Variants in STK33 observed in about 807,000 individuals in gnomAD.
STK33 encodes the protein serine/threonine-protein kinase 33.
Under a neutral mutation model 58.0 loss-of-function variants are expected in STK33, and 52 were observed. The ratio of observed to expected loss-of-function variants is 0.90; its 90% CI spans 0.72 to 1.13. The LOEUF is 1.13. STK33 is among the 50% of genes most tolerant of loss of function. The probability of loss-of-function intolerance (pLI) is 0.00; values close to 1 mark genes in which losing one functional copy is unlikely to be tolerated. For missense variants in STK33, 630 were observed against 604.2 expected (o/e 1.04, Z -0.45); for synonymous variants, 215 against 200.1 (o/e 1.07, Z -0.63).
intron 10 of STK33, among the ~76,000 whole-genome samples, chr11:8,453,742 T>C (rs1946546179): frequency 6.6e-6 from 1 of 152,228 alleles, no homozygotes; most frequent in Non-Finnish European, 1.5e-5. Context: ...AGACAATGAA[T>C]GCAAAGTTTC....
chr11:8,338,237 T>G, the STK33 span, among the ~76,000 whole-genome samples: 1 of 152,082 alleles, frequency 6.6e-6, no homozygotes, highest in Non-Finnish European at 1.5e-5. Flanking sequence ...GGCACCAGCC[T>G]CCAGAGGGCG....
intron 1 of STK33, among the ~76,000 whole-genome samples, chr11:8,579,911 A>G (rs1485298975): frequency 6.6e-6 from 1 of 152,206 alleles, no homozygotes; most frequent in Non-Finnish European, 1.5e-5. Flanking sequence ...TCAAACTACA[A>G]TGAGACATCA....
chr11:8,375,468 T>C, the STK33 span, among the ~76,000 whole-genome samples: 6 of 152,200 alleles, frequency 3.9e-5, no homozygotes, highest in African/African-American at 1.2e-4. Context: ...ACTGGCCATA[T>C]ATGGTCAAGG....
chr11:8,554,235 C>T (rs1320422063), intron 1 of STK33, among the ~76,000 whole-genome samples: 2 of 151,706 alleles, frequency 1.3e-5, no homozygotes, highest in Non-Finnish European at 1.5e-5. Context: ...CTGGCTAACA[C>T]AGTGAAACCC....
the STK33 span, among the ~76,000 whole-genome samples, chr11:8,342,816 G>A: frequency 5.3e-5 from 8 of 152,278 alleles, no homozygotes; most frequent in South Asian, 2.1e-4. Context: ...ATATCATTAC[G>A]GTTATTATTA....
At chr11:8,535,911 T>G (rs866410262) in intron 1 of STK33, among the ~76,000 whole-genome samples, 16 of 152,190 alleles carry the variant, frequency 1.1e-4, no homozygotes, top group African/African-American at 3.9e-4. Flanking sequence ...GGAATACTCT[T>G]TGGCCATAAA....
At chr11:8,414,894 G>T (rs1249096307) in intron 14 of STK33, among the ~76,000 whole-genome samples, 1 of 152,108 alleles carries the variant, frequency 6.6e-6, no homozygotes, top group Non-Finnish European at 1.5e-5. Flanking sequence ...TTCAATTTAA[G>T]ATCCATTTCT....
chr11:8,384,561 G>A, the STK33 span, among the ~76,000 whole-genome samples: 1 of 152,204 alleles, frequency 6.6e-6, no homozygotes, highest in East Asian at 1.9e-4. Flanking sequence ...TGTTCCGCCT[G>A]TACACCTGGT....
chr11:8,495,370 G>A (rs548163703), intron 1 of STK33, among the ~76,000 whole-genome samples: 1 of 152,184 alleles, frequency 6.6e-6, no homozygotes, highest in African/African-American at 2.4e-5. Context: ...CTGGTCATTA[G>A]AGAAATGCAA....
intron 11 of STK33, 41 bp downstream of exon 11, chr11:8,452,781 C>T (rs1449480341): frequency 6.4e-7 from 1 of 1,567,002 alleles, no homozygotes; most frequent in South Asian, 1.1e-5. Flanking sequence ...GAGGATGATC[C>T]TGTCTCAAAA....
Position 8,546,555 on chromosome 11 carries a change from T to C in STK33, c.-466+47528A>G, listed in dbSNP as rs12793705. On this transcript the variant is annotated intron_variant, in intron 1 of 15. Transcript: ENST00000687296. ...AGAACTTATTCCTTCTTTCTAACTA[T>C]ATTTTTGTACTCACTAACCAACCTC... 9.9e-3 allele frequency among the ~76,000 whole-genome samples: 1,500 copies of C among 152,190 alleles called. 17 individuals carry two copies. Among genetic ancestry groups the C allele is most frequent in the Middle Eastern group, 0.044 (13 of 294 alleles).
At chr11:8,503,595 G>A (rs933388364) in intron 1 of STK33, among the ~76,000 whole-genome samples, 2 of 152,108 alleles carry the variant, frequency 1.3e-5, no homozygotes, top group Non-Finnish European at 2.9e-5. Context: ...TAACAAACCT[G>A]CACATGGACC....
intron 11 of STK33, among the ~76,000 whole-genome samples, chr11:8,449,744 C>T (rs1472694640): frequency 3.3e-5 from 5 of 151,836 alleles, no homozygotes; most frequent in South Asian, 2.1e-4. Flanking sequence ...CTAACCTGCA[C>T]GTTGTGCACA....
At chr11:8,586,127 G>A (rs879532566) in intron 1 of STK33, among the ~76,000 whole-genome samples, 7 of 151,386 alleles carry the variant, frequency 4.6e-5, no homozygotes, top group Non-Finnish European at 8.8e-5. Flanking sequence ...TGAGATGGGA[G>A]GATGGCTTGA....
chr11:8,395,380 C>T (rs916538435), intron 15 of STK33, among the ~76,000 whole-genome samples: 1 of 152,200 alleles, frequency 6.6e-6, no homozygotes, highest in African/African-American at 2.4e-5. Flanking sequence ...ATCTTTGCTC[C>T]TCCTTTGCCT....
At chr11:8,518,113 G>C (rs909851468) in intron 1 of STK33, among the ~76,000 whole-genome samples, 8 of 152,154 alleles carry the variant, frequency 5.3e-5, no homozygotes, top group African/African-American at 1.7e-4. Context: ...TACCCACAAA[G>C]GGAAGCCCAT....
downstream of STK33, among the ~76,000 whole-genome samples, chr11:8,389,060 G>A (rs979391286): frequency 3.9e-5 from 6 of 152,248 alleles, no homozygotes; most frequent in Admixed American, 3.3e-4. Flanking sequence ...CACTTGAGTT[G>A]CAGCCAAAGA....
chr11:8,468,235 G>A (rs544904449), intron 6 of STK33, among the ~76,000 whole-genome samples: 13 of 152,224 alleles, frequency 8.5e-5, no homozygotes, highest in Admixed American at 8.5e-4. Flanking sequence ...CACATCCTAT[G>A]AGATCCAGTC....
At chr11:8,447,870 T>A (rs553777279) in intron 11 of STK33, among the ~76,000 whole-genome samples, 1 of 152,224 alleles carries the variant, frequency 6.6e-6, no homozygotes, top group Non-Finnish European at 1.5e-5. Flanking sequence ...GATGACATGA[T>A]TGTATATCTA....
Sources: allele counts gnomAD v4.1 joint callset (sites outside exome capture counted in the v4.1 genomes callset), GRCh38; gene constraint gnomAD v4.1.1; transcripts MANE v1.5; gene names NCBI Gene and HGNC (gene_info 2026-07-23, HGNC 2026-07-21).